Variants in POU2F1 observed in about 807,000 individuals in gnomAD.
POU2F1 encodes POU class 2 homeobox 1.
In POU2F1, 16 loss-of-function variants were observed where a neutral mutation model predicts 84.9. That is an observed-to-expected ratio of 0.19 (90% confidence interval 0.13 to 0.29). The LOEUF is 0.29. POU2F1 is among the 10% of genes least tolerant of loss of function. POU2F1 has a pLI of 1.00. For synonymous variants in POU2F1, 368 were observed against 368.3 expected (o/e 1.00, Z 0.01); for missense variants, 738 against 942.6 (o/e 0.78, Z 2.84).
chr1:167,372,081 G>A, intron 5 of POU2F1, 45 bp downstream of exon 5: 1 of 1,587,326 alleles, frequency 6.3e-7, no homozygotes. Context: ...TTCTGTGTCA[G>A]AACTGCCATT....
chr1:167,252,755 A>T (rs1650826831), intron 1 of POU2F1, among the ~76,000 whole-genome samples: 1 of 152,230 alleles, frequency 6.6e-6, no homozygotes, highest in Non-Finnish European at 1.5e-5. Context: ...GAAAATCTTT[A>T]AATTATTTTA....
At chr1:167,243,773 G>A (rs1650096338) in intron 1 of POU2F1, among the ~76,000 whole-genome samples, 1 of 152,202 alleles carries the variant, frequency 6.6e-6, no homozygotes, top group South Asian at 2.1e-4. Context: ...ATCACACCCG[G>A]CCTAAACTCT....
chr1:167,333,258 A>G (rs1041328232), intron 2 of POU2F1, among the ~76,000 whole-genome samples: 5 of 152,184 alleles, frequency 3.3e-5, no homozygotes, highest in African/African-American at 9.7e-5. Flanking sequence ...CTCTTGAGTC[A>G]GTATATTGCT....
intron 7 of POU2F1, among the ~76,000 whole-genome samples, chr1:167,381,770 C>T (rs974610755): frequency 1.3e-5 from 2 of 151,530 alleles, no homozygotes; most frequent in African/African-American, 4.9e-5. Flanking sequence ...CCACCACACC[C>T]GGTTAATTTT....
chr1:167,385,705 T>A (rs1161426327), intron 8 of POU2F1, among the ~76,000 whole-genome samples: 1 of 152,224 alleles, frequency 6.6e-6, no homozygotes, highest in Non-Finnish European at 1.5e-5. Flanking sequence ...AAAAAAATCT[T>A]TGTGTCCTTG....
At chr1:167,221,021 C>A in intron 1 of POU2F1, 63 bp downstream of exon 1, 1 of 1,373,278 alleles carries the variant, frequency 7.3e-7, no homozygotes, top group Non-Finnish European at 1.0e-6. Context: ...GCTGCCCCCC[C>A]CCGCGACTTA....
At chr1:167,357,853 G>C (rs1272397295) in intron 2 of POU2F1, among the ~76,000 whole-genome samples, 1 of 144,668 alleles carries the variant, frequency 6.9e-6, no homozygotes, top group Non-Finnish European at 1.5e-5. Flanking sequence ...CTTCAGGCTG[G>C]AGTGCAATGG....
chr1:167,360,110 T>C lies in POU2F1; in HGVS notation c.128-5357T>C, dbSNP rs544271267. Among the ~76,000 whole-genome samples the C allele has an allele frequency of 2.3e-3, 348 of 152,262 alleles. 2 individuals carry two copies. Among genetic ancestry groups the C allele is most frequent in the Admixed American group, 5.2e-3 (80 of 15,288 alleles). On this transcript the variant is annotated intron_variant, in intron 2 of 15. Coordinates refer to ENST00000367866, the MANE Select transcript of POU2F1 (RefSeq NM_002697.4). ...ACAGTTTGCTAATATTTTCTCCTAT[T>C]CTGTAGGTTGTTTATTCTGTTGATA...
intron 2 of POU2F1, among the ~76,000 whole-genome samples, chr1:167,334,561 A>G (rs1165993128): frequency 6.6e-6 from 1 of 152,222 alleles, no homozygotes; most frequent in South Asian, 2.1e-4. Context: ...AAATTTAAGC[A>G]ACACATTGTG....
intron 13 of POU2F1, among the ~76,000 whole-genome samples, chr1:167,405,977 C>T (rs1444714403): frequency 3.3e-5 from 5 of 152,074 alleles, no homozygotes; most frequent in African/African-American, 1.2e-4. Flanking sequence ...AAAATTAAAA[C>T]ATGCATCAAA....
intron 1 of POU2F1, among the ~76,000 whole-genome samples, chr1:167,236,033 A>G (rs1032611): frequency 6.6e-6 from 1 of 152,008 alleles, no homozygotes; most frequent in Non-Finnish European, 1.5e-5. Flanking sequence ...GTTAACTATT[A>G]GTCTTTTAAA....
chr1:167,240,002 A>C (rs1284400771), intron 1 of POU2F1, among the ~76,000 whole-genome samples: 1 of 151,452 alleles, frequency 6.6e-6, no homozygotes, highest in Non-Finnish European at 1.5e-5. Flanking sequence ...CTTTTTTGAC[A>C]TGACACACAA....
intron 1 of POU2F1, among the ~76,000 whole-genome samples, chr1:167,325,280 G>A (rs1304341935): frequency 6.6e-6 from 1 of 152,150 alleles, no homozygotes; most frequent in East Asian, 1.9e-4. Flanking sequence ...GAAACCAGTG[G>A]TGCTAAAAGA....
chr1:167,283,890 T>C (rs564205180), intron 1 of POU2F1, among the ~76,000 whole-genome samples: 1 of 152,328 alleles, frequency 6.6e-6, no homozygotes, highest in Non-Finnish European at 1.5e-5. Context: ...AATAACAGCC[T>C]AAGTGGTTAA....
At chr1:167,399,736 C>T (rs554246602) in intron 12 of POU2F1, among the ~76,000 whole-genome samples, 11 of 151,972 alleles carry the variant, frequency 7.2e-5, no homozygotes, top group Non-Finnish European at 1.0e-4. Flanking sequence ...TGCATTGGTG[C>T]GATCTTGGCT....
At chr1:167,358,798 T>G (rs974059116) in intron 2 of POU2F1, among the ~76,000 whole-genome samples, 1 of 135,642 alleles carries the variant, frequency 7.4e-6, no homozygotes, top group Non-Finnish European at 1.5e-5. Flanking sequence ...AAGTAATTCT[T>G]CTGCTTCAGC....
chr1:167,296,842 G>A (rs889384132), intron 1 of POU2F1, among the ~76,000 whole-genome samples: 1 of 152,106 alleles, frequency 6.6e-6, no homozygotes, highest in African/African-American at 2.4e-5. Context: ...GTGAAATACG[G>A]GGACTGTTTG....
At chr1:167,376,884 G>C (rs961197007) in intron 7 of POU2F1, among the ~76,000 whole-genome samples, 1 of 152,000 alleles carries the variant, frequency 6.6e-6, no homozygotes, top group African/African-American at 2.4e-5. Context: ...ACTTGCAGAG[G>C]GCTCACAATT....
intron 2 of POU2F1, 85 bp from the exon 3 acceptor site, chr1:167,365,382 G>A: frequency 1.0e-6 from 1 of 962,674 alleles, no homozygotes. Flanking sequence ...CAAAATAGGT[G>A]CCTGATGAAT....
Sources: gnomAD v4.1 joint callset for allele counts (sites outside exome capture counted in the v4.1 genomes callset) on GRCh38, gnomAD v4.1.1 for gene constraint, MANE v1.5 for transcripts, NCBI Gene and HGNC (gene_info 2026-07-23, HGNC 2026-07-21) for gene names.